Variants in LBP observed in about 807,000 individuals in gnomAD.
LBP encodes lipopolysaccharide binding protein.
A neutral mutation model predicts 56.6 loss-of-function variants in LBP; 53 were observed. The ratio of observed to expected loss-of-function variants is 0.94; its 90% CI spans 0.75 to 1.18. The LOEUF (loss-of-function observed/expected upper bound fraction) is 1.18. Ranked by LOEUF, LBP falls within the 50% of genes most tolerant of loss-of-function variation. The pLI is 0.00. For synonymous variants in LBP, 227 were observed against 247.5 expected (o/e 0.92, Z 0.78); for missense variants, 601 against 598.3 (o/e 1.00, Z -0.05).
chr20:38,374,000 T>A lies in LBP; in HGVS notation c.1388T>A (p.Leu463Gln), dbSNP rs886218336. 2.5e-6 allele frequency: 4 copies of A among 1,614,094 alleles called. No individual in the cohort carries two copies. Among genetic ancestry groups the A allele is most frequent in the African/African-American group, 2.7e-5 (2 of 75,066 alleles). The change falls in exon 14 of 15, where the codon CTG (leucine) becomes CAG (glutamine). Residue 463 changes from leucine to glutamine, a missense_variant. By Grantham distance (113) the Leu-to-Gln change is moderately radical. Transcript: ENST00000217407. Reference protein sequence around the residue: ...LKRVQLYDLGLQIHKDFLFLG... With the variant: ...LKRVQLYDLGQQIHKDFLFLG... Reference sequence around the variant, plus strand: ...CGTGTTCAGCTCTACGACCTTGGGCTGCAGATCCATAAGGTCGGTGGGTTC... The same window carrying A: ...CGTGTTCAGCTCTACGACCTTGGGCAGCAGATCCATAAGGTCGGTGGGTTC...
intron 13 of LBP, 80 bp downstream of exon 13, chr20:38,373,215 G>A: frequency 1.6e-6 from 2 of 1,214,508 alleles, no homozygotes; most frequent in Admixed American, 1.7e-5. Context: ...TGGAAAACAG[G>A]GCTCTCCTGG....
At chr20:38,362,437 A>AC (rs1312501204) in intron 6 of LBP, among the ~76,000 whole-genome samples, 2 of 140,902 alleles carry the variant, frequency 1.4e-5, no homozygotes, top group African/African-American at 2.6e-5. Flanking sequence ...ACATGGTGAA[A>AC]CCCCGTCTCT....
chr20:38,375,386 G>T (rs1480476662), intron 14 of LBP, among the ~76,000 whole-genome samples: 4 of 151,784 alleles, frequency 2.6e-5, no homozygotes, highest in Non-Finnish European at 5.9e-5. Context: ...TTTGAGACCA[G>T]CCTGGCCAAC....
intron 12 of LBP, among the ~76,000 whole-genome samples, chr20:38,372,586 G>C (rs1273392035): frequency 1.3e-5 from 2 of 152,114 alleles, no homozygotes; most frequent in African/African-American, 4.8e-5. Context: ...TCATTCTGTA[G>C]GCCTCAGTTT....
chr20:38,369,667 T>A (rs6014862), intron 10 of LBP, among the ~76,000 whole-genome samples: 24,913 of 152,170 alleles, frequency 0.16, 2,852 homozygotes, highest in African/African-American at 0.33. Flanking sequence ...TGGCTGTGAC[T>A]ATGTCTCCTC....
intron 11 of LBP, 92 bp downstream of exon 11, chr20:38,370,897 A>G: frequency 9.4e-7 from 1 of 1,066,374 alleles, no homozygotes; most frequent in South Asian, 1.3e-5. Flanking sequence ...AGGGGGGGCC[A>G]CCATTTGGAA....
intron 1 of LBP, 25 bp downstream of exon 1, chr20:38,346,665 G>T: frequency 6.2e-7 from 1 of 1,612,570 alleles, no homozygotes; most frequent in Non-Finnish European, 8.5e-7. Context: ...CTGCTGGCTG[G>T]ACTTGGCAAA....
In LBP at chr20:38,350,854, C is replaced by G. The variant is rs1568826928; in HGVS notation, c.283C>G (p.Pro95Ala). ...TGAGCTGCTTCACTCTGCGCTGAGG[C>G]CTGTCCCTGGCCAGGGCCTGAGTCT... ...SCELLHSALRPVPGQGLSLSI... is the reference protein window; with the variant it reads ...SCELLHSALRAVPGQGLSLSI... Residue 95 changes from proline to alanine, a missense_variant, in exon 3 of 15, where the codon CCT becomes GCT. Transcript: ENST00000217407. The G allele has an allele frequency of 1.9e-6, 3 of 1,613,898 alleles. No homozygotes were observed. The highest frequency in any genetic ancestry group is 1.7e-4 in the Middle Eastern group (1 of 6,058).
At chr20:38,350,730 T>G (rs2232581) in intron 2 of LBP, 81 bp from the exon 3 acceptor site, 254,045 of 1,478,358 alleles carry the variant, frequency 0.17, 24,325 homozygotes, top group African/African-American at 0.38. Context: ...GTCCCCACTG[T>G]GGAGAGGGGA....
intron 8 of LBP, among the ~76,000 whole-genome samples, chr20:38,365,707 AAAAAAAAAAAATATAT>A (rs1401644954): frequency 1.2e-4 from 11 of 95,372 alleles, no homozygotes; most frequent in African/African-American, 3.9e-4. Flanking sequence ...AAAAAAAAAA[AAAAAAAAAAAATATAT>A]ATATATATAT....
chr20:38,347,690 G>A (rs2076805800), intron 1 of LBP, among the ~76,000 whole-genome samples: 1 of 152,152 alleles, frequency 6.6e-6, no homozygotes, highest in Non-Finnish European at 1.5e-5. Flanking sequence ...TCTGGGCCGG[G>A]GGTTTGTCAA....
chr20:38,371,354 A>C, intron 12 of LBP, 32 bp downstream of exon 12: 2 of 1,487,498 alleles, frequency 1.3e-6, no homozygotes, highest in Non-Finnish European at 1.9e-6. Flanking sequence ...CATGATTAGA[A>C]TGTTAATTAA....
chr20:38,371,833 A>C (rs1244250787), intron 12 of LBP, among the ~76,000 whole-genome samples: 1 of 152,068 alleles, frequency 6.6e-6, no homozygotes, highest in Non-Finnish European at 1.5e-5. Flanking sequence ...CACACACACA[A>C]AATCTCTGTG....
intron 5 of LBP, among the ~76,000 whole-genome samples, chr20:38,358,108 C>T (rs1001848546): frequency 2.6e-5 from 4 of 152,148 alleles, no homozygotes; most frequent in South Asian, 2.1e-4. Flanking sequence ...CTCCTGGGAA[C>T]GCAGCCCAGC....
intron 14 of LBP, among the ~76,000 whole-genome samples, chr20:38,375,771 A>G (rs375014670): frequency 1.3e-5 from 2 of 152,162 alleles, no homozygotes; most frequent in African/African-American, 4.8e-5. Flanking sequence ...TGGCGGACTC[A>G]TTAGCAGGAG....
chr20:38,376,817 T>A lies in LBP; in HGVS notation c.*148T>A. On this transcript the variant is annotated 3_prime_UTR_variant, in exon 15 of 15. Transcript: ENST00000217407. ...GTGTGCCTGGCCTCTGCCTCCACCC[T>A]CCTCCTCTTCACCAGGTGCATGCAT... 2.5e-6 allele frequency: 2 copies of A among 794,340 alleles called. No homozygotes were observed. The highest frequency in any genetic ancestry group is 4.4e-6 in the Non-Finnish European group (2 of 456,134). 49.2% of individuals were successfully genotyped at this position (794,340 alleles called of 1,614,324 possible). A position where few individuals can be genotyped will look rare whatever the true frequency, so the allele number is the denominator to read the frequency against.
Position 38,369,153 on chromosome 20 carries a change from G to T in LBP, c.1140G>T (p.Arg380=). The change falls in exon 10 of 15, where the codon CGG becomes CGT. Residue 380 remains arginine, a synonymous_variant. Coordinates refer to ENST00000217407, the MANE Select transcript of LBP (RefSeq NM_004139.5). Reference sequence around the variant, plus strand: ...GCTCCAGCAAGGAGCCTGTCTTCCGGCTCAGTGTGGTAAGGTTCAGAGCCT... The same window carrying T: ...GCTCCAGCAAGGAGCCTGTCTTCCGTCTCAGTGTGGTAAGGTTCAGAGCCT... ...LPSSSKEPVF[R]LSVATNVSAT... 1.9e-6 allele frequency: 3 copies of T among 1,613,816 alleles called. No homozygotes were observed. The highest frequency in any genetic ancestry group is 1.7e-6 in the Non-Finnish European group (2 of 1,179,934).
intron 2 of LBP, 91 bp downstream of exon 2, chr20:38,349,753 G>C (rs913993647): frequency 1.1e-6 from 1 of 901,890 alleles, no homozygotes; most frequent in African/African-American, 1.7e-5. Context: ...CCTCAGGATT[G>C]GGCTGTGGGG....
At chr20:38,366,425 C>T (rs2076882170) in intron 8 of LBP, among the ~76,000 whole-genome samples, 1 of 152,164 alleles carries the variant, frequency 6.6e-6, no homozygotes, top group Admixed American at 6.5e-5. Flanking sequence ...CTATTGTTAT[C>T]CCCATTTTAT....
Sources: allele counts gnomAD v4.1 joint callset (sites outside exome capture counted in the v4.1 genomes callset), GRCh38; gene constraint gnomAD v4.1.1; transcripts MANE v1.5; gene names NCBI Gene and HGNC (gene_info 2026-07-23, HGNC 2026-07-21).